Variants in MAP2K1 observed in about 807,000 individuals in gnomAD.
MAP2K1 encodes the protein dual specificity mitogen-activated protein kinase kinase 1.
MAP2K1 carries 16 observed loss-of-function variants against 46.3 expected under a neutral mutation model. That is an observed-to-expected ratio of 0.35 (90% confidence interval 0.23 to 0.52). The LOEUF is 0.52. Ranked by LOEUF, MAP2K1 falls within the 20% of genes least tolerant of loss-of-function variation. MAP2K1 has a pLI of 0.94. For synonymous variants in MAP2K1, 183 were observed against 185.6 expected, an observed-to-expected ratio of 0.99 and a Z score of 0.11; for missense variants, 263 against 497.1, an observed-to-expected ratio of 0.53 and a Z score of 4.48.
chr15:66,387,529 C>T (rs540517860), intron 1 of MAP2K1, 102 bp downstream of exon 1: 1 of 1,202,720 alleles, frequency 8.3e-7, no homozygotes, highest in Non-Finnish European at 1.2e-6. Context: ...TCACGTACGT[C>T]TGGGGCTGGC....
rs769461113 is a variant in MAP2K1, at chr15:66,400,262, G to A, written c.80+12835G>A. Among the ~76,000 whole-genome samples the A allele has an allele frequency of 6.6e-5, 10 of 151,574 alleles. No homozygotes were observed. The East Asian group carries it at 1.5e-3, about 23-fold the overall frequency. ...TGGTCTCAAACTCTTTGGCTCAAGC[G>A]ATCCACCTGGCTCAACCTCCCAAAG... On this transcript the variant is annotated intron_variant, in intron 1 of 10. Coordinates refer to ENST00000307102, the MANE Select transcript of MAP2K1 (RefSeq NM_002755.4).
chr15:66,425,687 A>G (rs926682343), intron 1 of MAP2K1, among the ~76,000 whole-genome samples: 2 of 152,220 alleles, frequency 1.3e-5, no homozygotes, highest in East Asian at 3.8e-4. Context: ...GGGTATCTAC[A>G]TAGATCATAC....
At chr15:66,463,714 C>T (rs1194887445) in intron 5 of MAP2K1, among the ~76,000 whole-genome samples, 1 of 152,258 alleles carries the variant, frequency 6.6e-6, no homozygotes, top group Non-Finnish European at 1.5e-5. Flanking sequence ...AAACTCCTGA[C>T]CTCTGGTGAT....
At chr15:66,437,392 T>C (rs920484903) in intron 3 of MAP2K1, among the ~76,000 whole-genome samples, 4 of 152,224 alleles carry the variant, frequency 2.6e-5, no homozygotes, top group African/African-American at 4.8e-5. Context: ...GCATGTTAGC[T>C]GCCAATCATT....
At chr15:66,414,781 C>CTT (rs79790588) in intron 1 of MAP2K1, among the ~76,000 whole-genome samples, 8 of 141,562 alleles carry the variant, frequency 5.7e-5, no homozygotes, top group African/African-American at 1.8e-4. Flanking sequence ...CATCCTGTGT[C>CTT]TTTTTTTTTT....
chr15:66,400,775 C>G (rs1489578644), intron 1 of MAP2K1, among the ~76,000 whole-genome samples: 2 of 152,162 alleles, frequency 1.3e-5, no homozygotes, highest in African/African-American at 2.4e-5. Flanking sequence ...CTGATCCTGA[C>G]TCTGATTTCG....
chr15:66,478,568 G>A (rs1392838083), intron 5 of MAP2K1, among the ~76,000 whole-genome samples: 4 of 149,546 alleles, frequency 2.7e-5, no homozygotes, highest in East Asian at 2.0e-4. Context: ...GCACGATCTC[G>A]GCTCATTGCA....
chr15:66,392,260 T>TTTGG (rs1230403218), intron 1 of MAP2K1, among the ~76,000 whole-genome samples: 53 of 108,010 alleles, frequency 4.9e-4, no homozygotes, highest in Admixed American at 3.6e-3. Flanking sequence ...TTTGGGTTTT[T>TTTGG]TTTTTTTTTT....
At chr15:66,391,057 CT>C (rs34264456) in intron 1 of MAP2K1, among the ~76,000 whole-genome samples, 90,693 of 135,378 alleles carry the variant, frequency 0.67, 30,261 homozygotes, top group East Asian at 0.84. Context: ...TGAGCTGCTG[CT>C]TTTTTTTTTT....
At chr15:66,435,334 CT>C in intron 2 of MAP2K1, 97 bp downstream of exon 2, 1 of 950,434 alleles carries the variant, frequency 1.1e-6, no homozygotes, top group Non-Finnish European at 1.6e-6. Context: ...TACTCAATAC[CT>C]TTTTGTGCTG....
intron 1 of MAP2K1, among the ~76,000 whole-genome samples, chr15:66,413,659 A>G (rs966389530): frequency 7.9e-5 from 12 of 151,652 alleles, no homozygotes; most frequent in African/African-American, 2.4e-4. Context: ...TGTTTATTGT[A>G]TACCTCACAC....
chr15:66,477,275 G>A (rs76847935), intron 5 of MAP2K1, among the ~76,000 whole-genome samples: 13,950 of 152,240 alleles, frequency 0.092, 631 homozygotes, highest in African/African-American at 0.11. Context: ...AGGACAGCTA[G>A]AGGCAGCACA....
chr15:66,437,825 G>A (rs2093492403), intron 3 of MAP2K1, among the ~76,000 whole-genome samples: 1 of 152,110 alleles, frequency 6.6e-6, no homozygotes, highest in African/African-American at 2.4e-5. Flanking sequence ...TCCTAAAAAC[G>A]TCTTCTGCAC....
chr15:66,445,851 G>A (rs1233246719), intron 5 of MAP2K1, among the ~76,000 whole-genome samples: 1 of 151,926 alleles, frequency 6.6e-6, no homozygotes, highest in Admixed American at 6.6e-5. Context: ...AACTTTTTGG[G>A]GTGACACAAA....
At chr15:66,464,790 A>C (rs1004233698) in intron 5 of MAP2K1, among the ~76,000 whole-genome samples, 1 of 151,788 alleles carries the variant, frequency 6.6e-6, no homozygotes, top group East Asian at 2.0e-4. Flanking sequence ...GGCCTCCCAA[A>C]GTGCTGGGAT....
chr15:66,414,006 G>A (rs1008562998), intron 1 of MAP2K1, among the ~76,000 whole-genome samples: 2 of 137,224 alleles, frequency 1.5e-5, no homozygotes, highest in African/African-American at 5.5e-5. Context: ...CTCTGCATTC[G>A]TGGCTCTTAT....
chr15:66,447,426 A>G (rs77694950), intron 5 of MAP2K1, among the ~76,000 whole-genome samples: 4,161 of 152,172 alleles, frequency 0.027, 98 homozygotes, highest in Non-Finnish European at 0.039. Context: ...GTAGTGGCTC[A>G]TGCATAGTAA....
At chr15:66,449,157 C>G (rs1183364452) in intron 5 of MAP2K1, among the ~76,000 whole-genome samples, 3 of 152,210 alleles carry the variant, frequency 2.0e-5, no homozygotes, top group Non-Finnish European at 2.9e-5. Context: ...AAAACATTTG[C>G]TCATGCAAGG....
chr15:66,458,038 T>G (rs1452484559), intron 5 of MAP2K1, among the ~76,000 whole-genome samples: 1 of 151,734 alleles, frequency 6.6e-6, no homozygotes, highest in Non-Finnish European at 1.5e-5. Flanking sequence ...AAGGAAAACA[T>G]GATAAGTGAC....
Sources: gnomAD v4.1 joint callset for allele counts (sites outside exome capture counted in the v4.1 genomes callset) on GRCh38, gnomAD v4.1.1 for gene constraint, MANE v1.5 for transcripts, NCBI Gene and HGNC (gene_info 2026-07-23, HGNC 2026-07-21) for gene names.